CACNA2D3: variants seen among roughly 807,000 people sequenced by gnomAD.
CACNA2D3 encodes the protein voltage-dependent calcium channel subunit alpha-2/delta-3.
Under a neutral mutation model 160.6 loss-of-function variants are expected in CACNA2D3, and 60 were observed. The ratio of observed to expected loss-of-function variants is 0.37; its 90% CI spans 0.30 to 0.46. The LOEUF is 0.46. CACNA2D3 is among the 20% of genes least tolerant of loss of function. CACNA2D3 has a pLI of 1.00. For synonymous variants in CACNA2D3, 558 were observed against 492.9 expected, an observed-to-expected ratio of 1.13 and a Z score of -1.75; for missense variants, 1,205 against 1,365.0, an observed-to-expected ratio of 0.88 and a Z score of 1.85.
chr3:55,057,938 C>G (rs1297570634), intron 35 of CACNA2D3, among the ~76,000 whole-genome samples: 1 of 152,028 alleles, frequency 6.6e-6, no homozygotes, highest in African/African-American at 2.4e-5. Context: ...TGCAAGATGT[C>G]CAACCTTTTA....
intron 29 of CACNA2D3, among the ~76,000 whole-genome samples, chr3:54,977,696 C>T (rs1702421992): frequency 6.6e-6 from 1 of 152,094 alleles, no homozygotes; most frequent in South Asian, 2.1e-4. Context: ...GGTTAGCCGC[C>T]CCTTGCTTCA....
chr3:54,611,370 C>G (rs1419564745), intron 9 of CACNA2D3, among the ~76,000 whole-genome samples: 2 of 152,224 alleles, frequency 1.3e-5, no homozygotes, highest in Non-Finnish European at 2.9e-5. Flanking sequence ...AAATAACTCT[C>G]TCTCAATTTC....
intron 4 of CACNA2D3, among the ~76,000 whole-genome samples, chr3:54,437,446 G>T (rs936347499): frequency 6.6e-6 from 1 of 152,274 alleles, no homozygotes; most frequent in South Asian, 2.1e-4. Context: ...CCCGTGTGTT[G>T]TTTCCTTGGC....
intron 11 of CACNA2D3, among the ~76,000 whole-genome samples, chr3:54,698,136 T>C (rs1415442742): frequency 1.4e-5 from 2 of 140,392 alleles, no homozygotes; most frequent in African/African-American, 5.4e-5. Context: ...CTGGCGACAA[T>C]TGACTACTAT....
intron 2 of CACNA2D3, among the ~76,000 whole-genome samples, chr3:54,200,562 C>T (rs1701160298): frequency 6.6e-6 from 1 of 152,188 alleles, no homozygotes; most frequent in Non-Finnish European, 1.5e-5. Context: ...TGATTTTTCT[C>T]TGTGGTATCA....
At chr3:54,746,905 C>A (rs1701762002) in intron 11 of CACNA2D3, among the ~76,000 whole-genome samples, 1 of 152,118 alleles carries the variant, frequency 6.6e-6, no homozygotes, top group Admixed American at 6.5e-5. Flanking sequence ...GTATAGTTAG[C>A]TAATCCTGCT....
chr3:54,526,896 G>A (rs1701731488), intron 5 of CACNA2D3, among the ~76,000 whole-genome samples: 1 of 152,168 alleles, frequency 6.6e-6, no homozygotes, highest in African/African-American at 2.4e-5. Context: ...TCACCATGTT[G>A]GTTAGGCTGG....
rs1701685997 is a variant in CACNA2D3, at chr3:54,227,054, GAA to G, written c.205-93387_205-93386del. ...TCTGAACTCAAGTTAAACACAGAAT[GAA>G]TCTCCTTTGTCCTGGCAGACCGGCA... On this transcript the variant is annotated intron_variant, in intron 2 of 37. Coordinates refer to ENST00000474759, the MANE Select transcript of CACNA2D3 (RefSeq NM_018398.3). 2.0e-5 allele frequency among the ~76,000 whole-genome samples: 3 copies of G among 152,186 alleles called. No individual in the cohort carries two copies. The South Asian group carries it at 6.2e-4, about 32-fold the overall frequency.
chr3:55,025,584 A>G (rs1703547788), intron 35 of CACNA2D3, among the ~76,000 whole-genome samples: 1 of 150,078 alleles, frequency 6.7e-6, no homozygotes, highest in Admixed American at 6.6e-5. Flanking sequence ...CAGTGAGCCA[A>G]GATTGCGCCA....
intron 17 of CACNA2D3, among the ~76,000 whole-genome samples, chr3:54,870,361 C>T (rs1699497439): frequency 6.6e-6 from 1 of 152,164 alleles, no homozygotes; most frequent in African/African-American, 2.4e-5. Context: ...TAGACTGACC[C>T]TGCATCTCAC....
intron 3 of CACNA2D3, among the ~76,000 whole-genome samples, chr3:54,358,157 A>G (rs1174876464): frequency 6.6e-6 from 1 of 152,210 alleles, no homozygotes; most frequent in Non-Finnish European, 1.5e-5. Flanking sequence ...TGGATGAGAC[A>G]AGGTGATATA....
intron 12 of CACNA2D3, among the ~76,000 whole-genome samples, chr3:54,761,295 G>A (rs1164112016): frequency 6.6e-6 from 1 of 152,130 alleles, no homozygotes; most frequent in East Asian, 1.9e-4. Flanking sequence ...ACTCATCCCT[G>A]TATCCTTAAG....
intron 31 of CACNA2D3, among the ~76,000 whole-genome samples, chr3:55,002,730 T>G (rs1454788961): frequency 6.6e-6 from 1 of 152,210 alleles, no homozygotes; most frequent in Non-Finnish European, 1.5e-5. Context: ...ACGTGACCAC[T>G]GGTATCCCCT....
intron 2 of CACNA2D3, among the ~76,000 whole-genome samples, chr3:54,171,158 T>TTTTTTTA (rs1553743546): frequency 1.1e-4 from 16 of 140,754 alleles, no homozygotes; most frequent in African/African-American, 4.5e-4. Context: ...TTTTTTTTTT[T>TTTTTTTA]AGGAATAGCT....
At chr3:54,135,766 A>T (rs1699803622) in intron 2 of CACNA2D3, among the ~76,000 whole-genome samples, 1 of 152,192 alleles carries the variant, frequency 6.6e-6, no homozygotes, top group African/African-American at 2.4e-5. Flanking sequence ...GAAGGAGATG[A>T]GAGGACTTTG....
chr3:54,514,348 A>G (rs1701509827), intron 5 of CACNA2D3, among the ~76,000 whole-genome samples: 1 of 152,206 alleles, frequency 6.6e-6, no homozygotes, highest in Non-Finnish European at 1.5e-5. Context: ...CTTGCCAGAA[A>G]GTTCACTGCA....
intron 11 of CACNA2D3, among the ~76,000 whole-genome samples, chr3:54,683,241 A>G (rs1700386568): frequency 6.6e-6 from 1 of 152,216 alleles, no homozygotes; most frequent in African/African-American, 2.4e-5. Flanking sequence ...CTTGCCTGAG[A>G]TGGCAGCTCC....
intron 4 of CACNA2D3, among the ~76,000 whole-genome samples, chr3:54,424,169 G>A (rs1304211972): frequency 6.6e-6 from 1 of 152,082 alleles, no homozygotes; most frequent in African/African-American, 2.4e-5. Flanking sequence ...TTTGAACAAG[G>A]GGCCCTGTAT....
intron 11 of CACNA2D3, among the ~76,000 whole-genome samples, chr3:54,678,720 CAAAAAAAAAAA>C (rs71096434): frequency 0.012 from 531 of 45,946 alleles, 14 homozygotes; most frequent in African/African-American, 0.012. Context: ...GACTCGGTCT[CAAAAAAAAAAA>C]AAAAAAAAAA....
Sources: gnomAD v4.1 joint callset for allele counts (sites outside exome capture counted in the v4.1 genomes callset) on GRCh38, gnomAD v4.1.1 for gene constraint, MANE v1.5 for transcripts, NCBI Gene and HGNC (gene_info 2026-07-23, HGNC 2026-07-21) for gene names.